Variants in SPTBN1 observed in about 807,000 individuals in gnomAD.
The protein encoded by SPTBN1 is spectrin beta, non-erythrocytic 1, also known as spectrin beta chain, non-erythrocytic 1.
Under a neutral mutation model 266.4 loss-of-function variants are expected in SPTBN1, and 32 were observed. The ratio of observed to expected loss-of-function variants is 0.12; its 90% CI spans 0.09 to 0.16. The LOEUF (loss-of-function observed/expected upper bound fraction) is 0.16, where lower values mean the gene tolerates loss of function less well. Among genes scored for constraint, SPTBN1 ranks in the 10% least tolerant of loss-of-function variants. SPTBN1 has a pLI of 1.00. For missense variants in SPTBN1, 2,296 were observed against 3,067.1 expected (o/e 0.75, Z 5.94); for synonymous variants, 1,336 against 1,162.2 (o/e 1.15, Z -3.04).
At position 54,597,596 on chromosome 2, in the gene SPTBN1, A is replaced by G. The variant is rs117412220; in HGVS notation, c.149-1496A>G. Reference sequence around the variant, plus strand: ...GGCCGGGGATCTTGGCAGGTGCCCCAGCTGATTCTCCTGCCAGGTCGGCAG... The same window carrying G: ...GGCCGGGGATCTTGGCAGGTGCCCCGGCTGATTCTCCTGCCAGGTCGGCAG... On this transcript the variant is annotated intron_variant, in intron 2 of 35. Transcript: ENST00000356805. Among the ~76,000 whole-genome samples, 63 of 152,298 alleles carry G rather than the reference A, an allele frequency of 4.1e-4. No individual in the cohort carries two copies. In the East Asian group the frequency reaches 0.011, roughly 27 times the overall value.
At chr2:54,640,623 C>T (rs1482464321) in intron 18 of SPTBN1, among the ~76,000 whole-genome samples, 3 of 150,654 alleles carry the variant, frequency 2.0e-5, no homozygotes, top group South Asian at 2.1e-4. Flanking sequence ...GGGATCTCAG[C>T]TCACTACAGC....
In SPTBN1 at chr2:54,511,050, G is replaced by A. The variant is rs575531259; in HGVS notation, c.-47-15322G>A. ...CCTGGGTGTTGGGCTGATTGGCTTG[G>A]TTGGATTAGGGTCTGGCCCCACAGT... On this transcript the variant is annotated intron_variant, in intron 1 of 35. Coordinates refer to ENST00000356805, the MANE Select transcript of SPTBN1 (RefSeq NM_003128.3). Among the ~76,000 whole-genome samples, 4 of 152,312 alleles carry A rather than the reference G, an allele frequency of 2.6e-5. No homozygotes were observed. The South Asian group carries it at 8.3e-4, about 32-fold the overall frequency.
rs761129420 is a variant in SPTBN1 at position 54,668,429 on chromosome 2, A to G, written c.6955A>G (p.Ser2319Gly). 6.2e-6 allele frequency: 10 copies of G among 1,614,124 alleles called. No individual in the cohort carries two copies. The East Asian group carries it at 2.0e-4, about 32-fold the overall frequency. ...ACACGAGGTGTCTGCCAGCACCCAG[A>G]GCACGCCAGCATCCAGCCGCGCGCA... The part of the protein sequence containing the change: ...DKHEVSASTQ[S>G]TPASSRAQTL... Residue 2319 changes from serine (S) to glycine (G), a missense_variant, in exon 36 of 36, where the codon AGC becomes GGC. Around this residue, in one of 12 missense-constraint regions of SPTBN1, gnomAD observed 347 missense variants for 368.5 expected, o/e 0.94. Coordinates refer to ENST00000356805, the MANE Select transcript of SPTBN1 (RefSeq NM_003128.3).
chr2:54,479,921 C>G (rs1417305149), intron 1 of SPTBN1, among the ~76,000 whole-genome samples: 2 of 151,878 alleles, frequency 1.3e-5, no homozygotes, highest in East Asian at 1.9e-4. Flanking sequence ...CCTCTAACTC[C>G]TGCGCTCAAG....
intron 3 of SPTBN1, among the ~76,000 whole-genome samples, chr2:54,599,789 C>G (rs1676357415): frequency 6.6e-6 from 1 of 152,194 alleles, no homozygotes; most frequent in Non-Finnish European, 1.5e-5. Flanking sequence ...CCTGCCTTTT[C>G]AGGCAGGAAA....
intron 1 of SPTBN1, among the ~76,000 whole-genome samples, chr2:54,484,386 AAATT>A (rs1189418221): frequency 2.6e-5 from 4 of 152,162 alleles, no homozygotes; most frequent in Admixed American, 2.6e-4. Context: ...CATTGTCAGT[AAATT>A]TTAGACTTTT....
Position 54,646,548 on chromosome 2 carries a change from C to T in SPTBN1, c.4866+73C>T, listed in dbSNP as rs1227054966. On this transcript the variant is annotated intron_variant, in intron 23 of 35. Transcript: ENST00000356805. This position sits in a 1 kb window ranked among gnomAD's most constrained non-coding sequence, Gnocchi z 4.4. ...AAACCCTGGGCACACTTTCTGCTGG[C>T]GGCTCTGTCTGTATAAAAACTTCCC... 2.5e-5 allele frequency: 35 copies of T among 1,416,624 alleles called. No individual in the cohort carries two copies. Among genetic ancestry groups the T allele is most frequent in the East Asian group, 2.6e-5 (1 of 39,210 alleles). 87.8% of individuals were successfully genotyped at this position (1,416,624 alleles called of 1,614,324 possible).
intron 1 of SPTBN1, among the ~76,000 whole-genome samples, chr2:54,470,433 GTCAGTGGTATT>G (rs909455541): frequency 1.3e-5 from 2 of 152,184 alleles, no homozygotes; most frequent in African/African-American, 4.8e-5. Context: ...AACTTTTAAA[GTCAGTGGTATT>G]TCATGTAAAG....
chr2:54,472,503 T>A (rs114760922), intron 1 of SPTBN1, among the ~76,000 whole-genome samples: 2,635 of 152,330 alleles, frequency 0.017, 79 homozygotes, highest in African/African-American at 0.059. Flanking sequence ...TCATTGGTAG[T>A]TTGTCTGCAG....
chr2:54,480,609 A>C (rs1254147952), intron 1 of SPTBN1, among the ~76,000 whole-genome samples: 4 of 152,356 alleles, frequency 2.6e-5, no homozygotes, highest in Middle Eastern at 6.8e-3. Flanking sequence ...TGAAACATGT[A>C]GTCCAGATCC....
intron 1 of SPTBN1, among the ~76,000 whole-genome samples, chr2:54,510,785 C>T (rs1038342839): frequency 6.6e-6 from 1 of 152,200 alleles, no homozygotes; most frequent in African/African-American, 2.4e-5. Context: ...TCAGAGTGGT[C>T]TGGATGCCCT....
intron 34 of SPTBN1, among the ~76,000 whole-genome samples, chr2:54,666,936 A>C (rs1681409299): frequency 6.6e-6 from 1 of 152,170 alleles, no homozygotes; most frequent in Non-Finnish European, 1.5e-5. Flanking sequence ...AGGACAATGC[A>C]CCGGCAGCCT....
At chr2:54,507,138 G>T (rs965147681) in intron 1 of SPTBN1, among the ~76,000 whole-genome samples, 1 of 152,080 alleles carries the variant, frequency 6.6e-6, no homozygotes, top group African/African-American at 2.4e-5. Flanking sequence ...TACATTGATC[G>T]GTTAGGGTGG....
At chr2:54,519,636 A>T (rs28496426) in intron 1 of SPTBN1, among the ~76,000 whole-genome samples, 1 of 152,120 alleles carries the variant, frequency 6.6e-6, no homozygotes, top group Non-Finnish European at 1.5e-5. Context: ...TTTCTCTCCT[A>T]AGGCTTCTTG....
intron 2 of SPTBN1, among the ~76,000 whole-genome samples, chr2:54,582,018 G>A (rs1350606871): frequency 2.6e-5 from 4 of 152,010 alleles, no homozygotes; most frequent in African/African-American, 7.3e-5. Context: ...CCGAGAATAC[G>A]CTAGCTCTGG....
chr2:54,655,250 A>G (rs780872143), intron 28 of SPTBN1, 42 bp downstream of exon 28: 26 of 1,603,702 alleles, frequency 1.6e-5, no homozygotes, highest in Non-Finnish European at 2.1e-5. Flanking sequence ...TGGCGTCAAG[A>G]TGTAAAATGA....
intron 1 of SPTBN1, among the ~76,000 whole-genome samples, chr2:54,472,025 T>TTTG (rs1693952112): frequency 9.2e-6 from 1 of 108,810 alleles, no homozygotes; most frequent in African/African-American, 4.1e-5. Context: ...TGAAGATGTT[T>TTTG]TTTTTTTTTT....
chr2:54,570,757 A>C (rs893624427), intron 2 of SPTBN1, among the ~76,000 whole-genome samples: 1 of 152,142 alleles, frequency 6.6e-6, no homozygotes, highest in African/African-American at 2.4e-5. Context: ...ATTTTGAATT[A>C]TGTTTCTTAA....
At chr2:54,469,192 C>T (rs1693791994) in intron 1 of SPTBN1, among the ~76,000 whole-genome samples, 1 of 152,136 alleles carries the variant, frequency 6.6e-6, no homozygotes, top group African/African-American at 2.4e-5. Context: ...CGGCTTCTTT[C>T]TGAGGAAGGT....
Sources: gnomAD v4.1 joint callset for allele counts (sites outside exome capture counted in the v4.1 genomes callset) on GRCh38, gnomAD v4.1.1 for gene constraint, gnomAD v4.1.1 regional missense constraint, Gnocchi (gnomAD v3.1) non-coding constraint, MANE v1.5 for transcripts, NCBI Gene and HGNC (gene_info 2026-07-23, HGNC 2026-07-21) for gene names.